Variants in ABCB5 observed in about 807,000 individuals in gnomAD.
ABCB5 encodes ATP-binding cassette sub-family B member 5.
In ABCB5, 155 loss-of-function variants were observed where a neutral mutation model predicts 144.2. That is an observed-to-expected ratio of 1.08 (90% CI 0.94 to 1.23). ABCB5 has a LOEUF of 1.23. Ranked by LOEUF, ABCB5 falls within the 50% of genes most tolerant of loss-of-function variation. The pLI is 0.00. For missense variants in ABCB5, 1,830 were observed against 1,520.8 expected (o/e 1.20, Z -3.38); for synonymous variants, 610 against 528.6 (o/e 1.15, Z -2.11).
chr7:20,700,078 A>G lies in ABCB5; in HGVS notation c.2280A>G (p.Ala760=). 6.2e-7 allele frequency: 1 copy of G among 1,613,834 alleles called. No individual in the cohort carries two copies. Among genetic ancestry groups the G allele is most frequent in the East Asian group, 2.2e-5 (1 of 44,802 alleles). The change falls in exon 19 of 28, where the codon GCA becomes GCG. Residue 760 remains alanine, a synonymous_variant. Coordinates refer to ENST00000404938, the MANE Select transcript of ABCB5 (RefSeq NM_001163941.2). Reference sequence around the variant, plus strand: ...TTCAGGGATTATTTTACGGCAGAGCAGGGGAAATTTTAACGATGAGATTAA... The same window carrying G: ...TTCAGGGATTATTTTACGGCAGAGCGGGGGAAATTTTAACGATGAGATTAA... The part of the protein sequence containing the change: ...YFMQGLFYGR[A]GEILTMRLRH...
chr7:20,690,013 GT>G (rs1786161650), intron 16 of ABCB5, among the ~76,000 whole-genome samples: 3 of 152,258 alleles, frequency 2.0e-5, no homozygotes, highest in Non-Finnish European at 4.4e-5. Flanking sequence ...ATCATGACAA[GT>G]TTGGATTCTA....
intron 20 of ABCB5, among the ~76,000 whole-genome samples, chr7:20,722,258 G>T (rs951722926): frequency 3.3e-5 from 5 of 152,144 alleles, no homozygotes; most frequent in African/African-American, 1.2e-4. Context: ...TTATTGCTGG[G>T]TGTTTGGGTG....
rs35885925 is a variant in ABCB5, at chr7:20,727,129, G to C, written c.2715G>C (p.Gln905His). 3.7e-6 allele frequency: 6 copies of C among 1,612,520 alleles called. No homozygotes were observed. The highest frequency in any genetic ancestry group is 5.1e-6 in the Non-Finnish European group (6 of 1,178,996). The change falls in exon 22 of 28, where the codon CAG becomes CAC. Residue 905 changes from glutamine to histidine, a missense_variant. Coordinates refer to ENST00000404938, the MANE Select transcript of ABCB5 (RefSeq NM_001163941.2). ...AFEQMYEEML[Q>H]TQHRNTSKKA... ...AGCAAATGTATGAAGAGATGCTTCAGACTCAACACAGGTGATTATAGATTC... is the reference window on the plus strand; with the variant it reads ...AGCAAATGTATGAAGAGATGCTTCACACTCAACACAGGTGATTATAGATTC...
intron 1 of ABCB5, among the ~76,000 whole-genome samples, chr7:20,621,577 G>A (rs935674660): frequency 1.3e-5 from 2 of 152,032 alleles, no homozygotes; most frequent in African/African-American, 4.8e-5. Context: ...CTAGTAGCTG[G>A]CACATCATAT....
intron 14 of ABCB5, among the ~76,000 whole-genome samples, chr7:20,677,540 C>T (rs550443309): frequency 1.5e-3 from 224 of 152,206 alleles, no homozygotes; most frequent in Non-Finnish European, 2.5e-3. Context: ...AACAGCTTGG[C>T]CAACATGGCA....
Position 20,650,135 on chromosome 7 carries a change from G to T in ABCB5, c.1320G>T (p.Pro440=). The T allele has an allele frequency of 6.2e-7, 1 of 1,613,416 alleles. No individual in the cohort carries two copies. Among genetic ancestry groups the T allele is most frequent in the Non-Finnish European group, 8.5e-7 (1 of 1,179,536 alleles). ...AGCTTCTGCAGAGGTTATATGATCC[G>T]GATGATGGCTTTGTAAGTGCAGCTA... The part of the protein sequence containing the change: ...VVQLLQRLYD[P]DDGFIMVDEN... Residue 440 remains proline (P), a synonymous_variant, in exon 12 of 28, where the codon CCG becomes CCT. Coordinates refer to ENST00000404938, the MANE Select transcript of ABCB5 (RefSeq NM_001163941.2).
intron 18 of ABCB5, 54 bp downstream of exon 18, chr7:20,699,983 CTATT>C: frequency 1.3e-6 from 2 of 1,598,022 alleles, no homozygotes; most frequent in South Asian, 2.2e-5. Flanking sequence ...GCCATTCTTT[CTATT>C]TGAGTTAAAA....
chr7:20,624,116 CAT>C (rs1783858372), intron 2 of ABCB5, among the ~76,000 whole-genome samples: 1 of 152,222 alleles, frequency 6.6e-6, no homozygotes, highest in Admixed American at 6.5e-5. Flanking sequence ...ACCTTTTCCT[CAT>C]AAATTCAAAA....
chr7:20,702,207 AAAGTT>A (rs766576416), intron 19 of ABCB5, among the ~76,000 whole-genome samples: 9 of 152,224 alleles, frequency 5.9e-5, no homozygotes, highest in African/African-American at 1.4e-4. Context: ...ATTGTGTTTC[AAAGTT>A]AAGTTTACAA....
chr7:20,672,201 G>A (rs1785472635), intron 14 of ABCB5, among the ~76,000 whole-genome samples: 1 of 152,004 alleles, frequency 6.6e-6, no homozygotes, highest in Non-Finnish European at 1.5e-5. Context: ...TATATTTCTG[G>A]ATACAAGTAT....
intron 13 of ABCB5, 48 bp from the exon 14 acceptor site, chr7:20,658,458 T>C: frequency 6.3e-7 from 1 of 1,583,706 alleles, no homozygotes; most frequent in Non-Finnish European, 8.6e-7. Context: ...TCTAACCATT[T>C]GATCACGCTG....
At chr7:20,750,650 T>A in intron 26 of ABCB5, among the ~76,000 whole-genome samples, 1 of 152,152 alleles carries the variant, frequency 6.6e-6, no homozygotes, top group East Asian at 1.9e-4. Context: ...ATCGTATATG[T>A]ATAATACGTA....
At chr7:20,629,263 C>T (rs1194914703) in intron 4 of ABCB5, among the ~76,000 whole-genome samples, 1 of 151,532 alleles carries the variant, frequency 6.6e-6, no homozygotes, top group Non-Finnish European at 1.5e-5. Flanking sequence ...GGCTGGCATG[C>T]TGGGGACTCA....
chr7:20,658,928 C>A, intron 14 of ABCB5: 2 of 1,022,440 alleles, frequency 2.0e-6, no homozygotes. Flanking sequence ...CCAGTCTATA[C>A]CTCCATTCCA....
rs1447350231 is a variant in ABCB5 at position 20,744,567 on chromosome 7, T to C, written c.3223-665T>C. On this transcript the variant is annotated intron_variant, in intron 25 of 27. Transcript: ENST00000404938. ...CCTCTCCTGAGTTTATTGAGTTATTTGTTCATGTGTTTATTGCATGCCTCT... is the reference window on the plus strand; with the variant it reads ...CCTCTCCTGAGTTTATTGAGTTATTCGTTCATGTGTTTATTGCATGCCTCT... 4.6e-5 allele frequency among the ~76,000 whole-genome samples: 7 copies of C among 151,482 alleles called. No homozygotes were observed. The East Asian group carries it at 1.4e-3, about 29-fold the overall frequency.
intron 14 of ABCB5, among the ~76,000 whole-genome samples, chr7:20,662,586 T>G (rs538926813): frequency 7.3e-5 from 11 of 151,446 alleles, no homozygotes; most frequent in African/African-American, 2.4e-4. Context: ...CTGTAATAGT[T>G]GGGAACAGAA....
chr7:20,690,541 A>G (rs1169749652), intron 16 of ABCB5, among the ~76,000 whole-genome samples: 1 of 152,208 alleles, frequency 6.6e-6, no homozygotes, highest in African/African-American at 2.4e-5. Context: ...GGTCTTATTC[A>G]GAAGGGCACA....
chr7:20,670,435 C>G (rs1208258799), intron 14 of ABCB5, among the ~76,000 whole-genome samples: 1 of 151,556 alleles, frequency 6.6e-6, no homozygotes, highest in Non-Finnish European at 1.5e-5. Flanking sequence ...GAGCACATGT[C>G]ACCGATGAGC....
At chr7:20,672,092 C>T (rs1278202238) in intron 14 of ABCB5, among the ~76,000 whole-genome samples, 1 of 152,238 alleles carries the variant, frequency 6.6e-6, no homozygotes, top group East Asian at 1.9e-4. Context: ...TGCATATTAA[C>T]CATCCACATT....
Sources: gnomAD v4.1 joint callset for allele counts (sites outside exome capture counted in the v4.1 genomes callset) on GRCh38, gnomAD v4.1.1 for gene constraint, MANE v1.5 for transcripts, NCBI Gene and HGNC (gene_info 2026-07-23, HGNC 2026-07-21) for gene names.